Variants in SIPA1L3 observed in about 807,000 individuals in gnomAD.
The protein encoded by SIPA1L3 is signal-induced proliferation-associated 1-like protein 3.
Under a neutral mutation model 150.1 loss-of-function variants are expected in SIPA1L3, and 59 were observed. The observed-to-expected ratio is 0.39, with a 90% CI of 0.32 to 0.49. The LOEUF is 0.49. Among genes scored for constraint, SIPA1L3 ranks in the 20% least tolerant of loss-of-function variants. The probability of loss-of-function intolerance (pLI) is 0.86; values close to 1 mark genes in which losing one functional copy is unlikely to be tolerated. For synonymous variants in SIPA1L3, 1,070 were observed against 1,077.6 expected, an observed-to-expected ratio of 0.99 and a Z score of 0.14; for missense variants, 2,211 against 2,489.5, an observed-to-expected ratio of 0.89 and a Z score of 2.38.
At chr19:38,068,946 G>A (rs1969656515) in intron 2 of SIPA1L3, among the ~76,000 whole-genome samples, 1 of 152,190 alleles carries the variant, frequency 6.6e-6, no homozygotes, top group Non-Finnish European at 1.5e-5. Context: ...CCAGTGTGTA[G>A]CCCTGAATCT....
At chr19:38,178,479 C>G (rs1568594902) in intron 15 of SIPA1L3, among the ~76,000 whole-genome samples, 2 of 151,534 alleles carry the variant, frequency 1.3e-5, no homozygotes, top group Non-Finnish European at 2.9e-5. Flanking sequence ...GGCCAAATGT[C>G]TTGTTTTTGT....
intron 1 of SIPA1L3, among the ~76,000 whole-genome samples, chr19:37,992,746 C>T (rs976680146): frequency 1.3e-5 from 2 of 152,118 alleles, no homozygotes; most frequent in African/African-American, 4.8e-5. Context: ...TGACATGAGG[C>T]TCCATGTGGT....
intron 1 of SIPA1L3, among the ~76,000 whole-genome samples, chr19:37,997,781 G>T (rs1967676848): frequency 2.0e-5 from 3 of 149,928 alleles, no homozygotes; most frequent in African/African-American, 7.4e-5. Flanking sequence ...CGGGAGAATC[G>T]CTTGAACCTG....
At chr19:38,007,083 C>T (rs1008813538) in intron 1 of SIPA1L3, among the ~76,000 whole-genome samples, 3 of 152,128 alleles carry the variant, frequency 2.0e-5, no homozygotes, top group Non-Finnish European at 4.4e-5. Flanking sequence ...TTTGGGAGAC[C>T]AAGGCAGACG....
At chr19:38,120,000 T>C in intron 9 of SIPA1L3, 118 bp downstream of exon 9, 1 of 661,796 alleles carries the variant, frequency 1.5e-6, no homozygotes, top group South Asian at 2.0e-5. Flanking sequence ...CCGGAGAGAA[T>C]CACAGTTGTC....
At chr19:38,057,816 T>A (rs1012409216) in intron 2 of SIPA1L3, among the ~76,000 whole-genome samples, 6 of 151,416 alleles carry the variant, frequency 4.0e-5, no homozygotes, top group Non-Finnish European at 7.4e-5. Context: ...CTGGCTAATT[T>A]TTTTTTATTT....
intron 1 of SIPA1L3, among the ~76,000 whole-genome samples, chr19:37,914,780 C>T (rs1407690187): frequency 1.3e-5 from 2 of 152,178 alleles, no homozygotes; most frequent in Admixed American, 6.5e-5. Flanking sequence ...GCTAAGATTA[C>T]AGGCACGAGC....
intron 1 of SIPA1L3, among the ~76,000 whole-genome samples, chr19:37,989,113 A>G (rs1304070544): frequency 6.6e-6 from 1 of 152,024 alleles, no homozygotes; most frequent in African/African-American, 2.4e-5. Context: ...TGGCTGTGTG[A>G]TTGAGGAGGG....
At chr19:38,205,967 G>C (rs1271136077) in intron 21 of SIPA1L3, 130 bp from the exon 22 acceptor site, 1 of 1,081,514 alleles carries the variant, frequency 9.2e-7, no homozygotes, top group East Asian at 2.8e-5. Flanking sequence ...TGTGTGCCCC[G>C]GCCTGGCCTG....
intron 1 of SIPA1L3, among the ~76,000 whole-genome samples, chr19:37,925,629 C>G (rs1377632083): frequency 8.6e-5 from 11 of 128,208 alleles, no homozygotes; most frequent in Admixed American, 3.8e-4. Flanking sequence ...GAGTCTCACT[C>G]TGTTGCCAGG....
At chr19:38,014,672 A>ATTT (rs11335709) in intron 1 of SIPA1L3, among the ~76,000 whole-genome samples, 1 of 139,690 alleles carries the variant, frequency 7.2e-6, no homozygotes, top group Non-Finnish European at 1.5e-5. Flanking sequence ...CCCCCGGCTA[A>ATTT]TTTTTTTTTT....
At position 38,188,784 on chromosome 19, in the gene SIPA1L3, G is replaced by A. The variant is rs1280274292; in HGVS notation, c.4431-3361G>A. On this transcript the variant is annotated intron_variant, in intron 16 of 21. Coordinates refer to ENST00000222345, the MANE Select transcript of SIPA1L3 (RefSeq NM_015073.3). ...AAAAATTAAAAAAAATTAGCCGGGCGTGGTGGCGGGCACCTGTAGTCCCAG... is the reference window on the plus strand; with the variant it reads ...AAAAATTAAAAAAAATTAGCCGGGCATGGTGGCGGGCACCTGTAGTCCCAG... Among the ~76,000 whole-genome samples the A allele has an allele frequency of 5.9e-5, 9 of 151,950 alleles. 1 individual carries two copies. The South Asian group carries it at 1.0e-3, about 18-fold the overall frequency.
chr19:38,115,875 C>G (rs855633), intron 8 of SIPA1L3, among the ~76,000 whole-genome samples: 34,717 of 152,044 alleles, frequency 0.23, 5,222 homozygotes, highest in African/African-American at 0.43. Flanking sequence ...ACTAGAAGCT[C>G]TGGGAAGGCA....
intron 19 of SIPA1L3, among the ~76,000 whole-genome samples, chr19:38,199,611 A>AGT (rs1177204127): frequency 6.7e-6 from 1 of 149,884 alleles, no homozygotes; most frequent in Non-Finnish European, 1.5e-5. Flanking sequence ...GTTACGGGGG[A>AGT]GAGGGGGGAG....
intron 13 of SIPA1L3, among the ~76,000 whole-genome samples, chr19:38,157,276 A>G (rs1164835557): frequency 3.3e-5 from 5 of 152,200 alleles, no homozygotes; most frequent in African/African-American, 9.6e-5. Context: ...TAACAGCTGT[A>G]CAGTTTCGTG....
intron 2 of SIPA1L3, among the ~76,000 whole-genome samples, chr19:38,042,786 G>T (rs1167865033): frequency 6.6e-6 from 1 of 152,156 alleles, no homozygotes; most frequent in Non-Finnish European, 1.5e-5. Context: ...CTTCCTGCGT[G>T]AGCTGTAACT....
At chr19:37,969,271 G>A (rs752488446) in intron 1 of SIPA1L3, among the ~76,000 whole-genome samples, 7 of 151,366 alleles carry the variant, frequency 4.6e-5, no homozygotes, top group Non-Finnish European at 1.0e-4. Flanking sequence ...AACCTTATAG[G>A]CCAGGTGTGG....
At chr19:37,907,889 A>T (rs2046348181) in intron 1 of SIPA1L3, 1 of 152,100 alleles carries the variant, frequency 6.6e-6, no homozygotes, top group African/African-American at 2.4e-5. Flanking sequence ...CTGTTAACCG[A>T]GATTATTTTG....
chr19:38,117,857 C>T (rs1362791827), intron 8 of SIPA1L3, among the ~76,000 whole-genome samples: 1 of 152,024 alleles, frequency 6.6e-6, no homozygotes, highest in African/African-American at 2.4e-5. Context: ...ACATTCTTGG[C>T]TCACTGCAAC....
Sources: gnomAD v4.1 joint callset for allele counts (sites outside exome capture counted in the v4.1 genomes callset) on GRCh38, gnomAD v4.1.1 for gene constraint, MANE v1.5 for transcripts, NCBI Gene and HGNC (gene_info 2026-07-23, HGNC 2026-07-21) for gene names.